The following TRPC3 variants were observed in gnomAD, a reference collection of about 807,000 sequenced individuals.
TRPC3 encodes the protein transient receptor potential cation channel subfamily C member 3.
A neutral mutation model predicts 90.9 loss-of-function variants in TRPC3; 54 were observed. The ratio of observed to expected loss-of-function variants is 0.59; its 90% CI spans 0.48 to 0.75. The LOEUF (loss-of-function observed/expected upper bound fraction) is 0.75. Ranked by LOEUF, TRPC3 falls within the 30% of genes least tolerant of loss-of-function variation. The pLI, the probability that TRPC3 is intolerant of heterozygous loss-of-function variation, is 0.00. For missense variants in TRPC3, 918 were observed against 1,194.5 expected, an observed-to-expected ratio of 0.77 and a Z score of 3.41; for synonymous variants, 424 against 450.9, an observed-to-expected ratio of 0.94 and a Z score of 0.75.
At position 121,949,580 on chromosome 4, in the gene TRPC3, T is replaced by C. The variant is rs574729257; in HGVS notation, c.215+1886A>G. ...CCTCAAAGGTGGAATAAACAGCTAA[T>C]CTCTGTTACAGAGATCAAGCTAGTC... On this transcript the variant is annotated intron_variant, in intron 1 of 11. Coordinates refer to ENST00000379645, the MANE Select transcript of TRPC3 (RefSeq NM_001130698.2). 5.3e-5 allele frequency among the ~76,000 whole-genome samples: 8 copies of C among 152,290 alleles called. No individual in the cohort carries two copies. The East Asian group carries it at 1.5e-3, about 29-fold the overall frequency.
In TRPC3 at chr4:121,901,310, G is replaced by C. The variant is rs563994225; in HGVS notation, c.2463+1542C>G. On this transcript the variant is annotated intron_variant, in intron 9 of 11. Transcript: ENST00000379645. ...GACAACTAGAGCCTGGCTCCTTTAA[G>C]AGACCAGCTACCGCACAGCTGAAGG... Among the ~76,000 whole-genome samples, 4 of 152,314 alleles carry C rather than the reference G, an allele frequency of 2.6e-5. No individual in the cohort carries two copies. The South Asian group carries it at 8.3e-4, about 32-fold the overall frequency.
intron 7 of TRPC3, among the ~76,000 whole-genome samples, chr4:121,906,234 C>G (rs1728876586): frequency 6.6e-6 from 1 of 152,116 alleles, no homozygotes; most frequent in African/African-American, 2.4e-5. Flanking sequence ...CTAGAAACAG[C>G]AGAGATTGCA....
Position 121,932,796 on chromosome 4 carries a change from A to T in TRPC3, c.462T>A (p.Ala154=). ...DYMGQNALQL[A]VGNEHLEVTE... is the part of the protein sequence containing the mutation. ...TCACCTCCAGGTGCTCGTTGCCCAC[A>T]GCCAGCTGCAGCGCGTTCTGGCCCA... Residue 154 remains alanine (A), a synonymous_variant, in exon 2 of 12, where the codon GCT becomes GCA. Coordinates refer to ENST00000379645, the MANE Select transcript of TRPC3 (RefSeq NM_001130698.2). This position sits in a 1 kb window ranked among gnomAD's most constrained non-coding sequence, Gnocchi z 7.7. 5 of 1,610,804 alleles carry T rather than the reference A, an allele frequency of 3.1e-6. No individual in the cohort carries two copies. The highest frequency in any genetic ancestry group is 4.2e-6 in the Non-Finnish European group (5 of 1,177,682).
chr4:121,902,384 T>TGGGCCTGTATCTATTTTATGACACTAA (rs1728734332), intron 9 of TRPC3, among the ~76,000 whole-genome samples: 2 of 152,202 alleles, frequency 1.3e-5, no homozygotes, highest in Admixed American at 1.3e-4. Flanking sequence ...AGGATGCTCT[T>TGGGCCTGTATCTATTTTATGACACTAA]GGGCCTGTAT....
At chr4:121,886,583 C>A (rs1728125943) in intron 10 of TRPC3, among the ~76,000 whole-genome samples, 1 of 152,204 alleles carries the variant, frequency 6.6e-6, no homozygotes, top group Non-Finnish European at 1.5e-5. Flanking sequence ...TAGAAAACAA[C>A]TCCTTTGTTT....
Position 121,931,489 on chromosome 4 carries a change from TA to T in TRPC3, c.987+781del, listed in dbSNP as rs564237097. 1.7e-3 allele frequency among the ~76,000 whole-genome samples: 260 copies of T among 152,316 alleles called. 1 individual carries two copies. The highest frequency in any genetic ancestry group is 6.8e-3 in the Middle Eastern group (2 of 294). On this transcript the variant is annotated intron_variant, in intron 2 of 11. Coordinates refer to ENST00000379645, the MANE Select transcript of TRPC3 (RefSeq NM_001130698.2). Reference sequence around the variant, plus strand: ...AAAAAATAAAATGATCTGTCATTAATATATAATTTTTATACAAATAAATAAT... The same window carrying T: ...AAAAAATAAAATGATCTGTCATTAATTATAATTTTTATACAAATAAATAAT...
At chr4:121,899,509 A>G (rs1728630768) in intron 10 of TRPC3, 103 bp downstream of exon 10, 4 of 900,382 alleles carry the variant, frequency 4.4e-6, no homozygotes, top group African/African-American at 3.3e-5. Context: ...GTATAATGGT[A>G]TATCTCAAGA....
chr4:121,909,127 T>C (rs926621158), intron 6 of TRPC3, among the ~76,000 whole-genome samples: 37 of 152,246 alleles, frequency 2.4e-4, no homozygotes, highest in Non-Finnish European at 4.4e-4. Flanking sequence ...AAATACAATC[T>C]AAAATTAATT....
Position 121,925,008 on chromosome 4 carries a change from G to A in TRPC3, c.1176+10C>T, listed in dbSNP as rs1332850805. On this transcript the variant is annotated intron_variant, in intron 3 of 11. Coordinates refer to ENST00000379645, the MANE Select transcript of TRPC3 (RefSeq NM_001130698.2). ...CTAATATGGCACTAGATGAAAGTAG[G>A]CCCACTCACCTTTTTGACTTCATAC... 2 of 1,605,574 alleles carry A rather than the reference G, an allele frequency of 1.2e-6. No individual in the cohort carries two copies. The highest frequency in any genetic ancestry group is 1.1e-5 in the South Asian group (1 of 89,508).
chr4:121,950,443 G>A (rs1730681098), intron 1 of TRPC3: 1 of 152,330 alleles, frequency 6.6e-6, no homozygotes, highest in Non-Finnish European at 1.5e-5. Flanking sequence ...CCGACCCCAA[G>A]TTCTCTACCT....
In TRPC3 at chr4:121,907,384, A is replaced by G. The variant is rs199896927; in HGVS notation, c.1976T>C (p.Met659Thr). The G allele has an allele frequency of 4.3e-6, 7 of 1,613,358 alleles. No individual in the cohort carries two copies. Among genetic ancestry groups the G allele is most frequent in the Non-Finnish European group, 8.5e-7 (1 of 1,179,524 alleles). ...GCCAATCATAAAGGCAAAAAACACCATAATAAAGAGGACCATGAACTTGAA... is the reference window on the plus strand; with the variant it reads ...GCCAATCATAAAGGCAAAAAACACCGTAATAAAGAGGACCATGAACTTGAA... The part of the protein sequence containing the change: ...DIFKFMVLFI[M>T]VFFAFMIGMF... Residue 659 changes from methionine (M) to threonine (T), a missense_variant, in exon 7 of 12, where the codon ATG becomes ACG. Around this residue, in one of 4 missense-constraint regions of TRPC3, gnomAD observed 147 missense variants for 263.5 expected, o/e 0.56. Transcript: ENST00000379645.
At chr4:121,907,084 T>G (rs570172849) in intron 7 of TRPC3, among the ~76,000 whole-genome samples, 3 of 152,078 alleles carry the variant, frequency 2.0e-5, no homozygotes, top group Admixed American at 2.0e-4. Context: ...TTGTCTAGGG[T>G]TTTTCCAAAT....
At position 121,904,449 on chromosome 4, in the gene TRPC3, A is replaced by G. The variant is rs1728814663; in HGVS notation, c.2126T>C (p.Leu709Pro). 6.2e-7 allele frequency: 1 copy of G among 1,604,942 alleles called. No homozygotes were observed. Among genetic ancestry groups the G allele is most frequent in the Non-Finnish European group, 8.5e-7 (1 of 1,177,084 alleles). Reference protein sequence around the residue: ...FGLSEVTSVVLKYDHKFIENI... With the variant: ...FGLSEVTSVVPKYDHKFIENI... Reference sequence around the variant, plus strand: ...TTCTATGAATTTGTGATCATATTTGAGCACAACGGAAGTCACTTCAGACAA... The same window carrying G: ...TTCTATGAATTTGTGATCATATTTGGGCACAACGGAAGTCACTTCAGACAA... Residue 709 changes from leucine (L) to proline (P), a missense_variant, in exon 8 of 12, where the codon CTC becomes CCC. This residue lies in a region of TRPC3 where 147 missense variants were observed against 263.5 expected (regional missense o/e 0.56). Coordinates refer to ENST00000379645, the MANE Select transcript of TRPC3 (RefSeq NM_001130698.2).
At position 121,907,674 on chromosome 4, in the gene TRPC3, T is replaced by A. The variant is rs552357201; in HGVS notation, c.1793-107A>T. Reference sequence around the variant, plus strand: ...CTATCTTGTAGGTAGGTGGTTACCATCTCAGTTGAAACTAATCTAGATTTA... The same window carrying A: ...CTATCTTGTAGGTAGGTGGTTACCAACTCAGTTGAAACTAATCTAGATTTA... On this transcript the variant is annotated intron_variant, in intron 6 of 11. Coordinates refer to ENST00000379645, the MANE Select transcript of TRPC3 (RefSeq NM_001130698.2). The A allele has an allele frequency of 1.4e-5, 18 of 1,257,236 alleles. No individual in the cohort carries two copies. The African/African-American group carries it at 2.7e-4, about 19-fold the overall frequency. The allele number at this position is 1,257,236 out of a possible 1,614,324, so 77.9% of individuals were successfully genotyped here.
At chr4:121,899,498 G>T in intron 10 of TRPC3, 114 bp downstream of exon 10, 2 of 747,254 alleles carry the variant, frequency 2.7e-6, no homozygotes, top group South Asian at 2.3e-5. Context: ...CTATCCTCAT[G>T]GTATAATGGT....
intron 1 of TRPC3, among the ~76,000 whole-genome samples, chr4:121,946,073 T>C (rs1730476594): frequency 1.3e-5 from 2 of 151,754 alleles, no homozygotes; most frequent in Admixed American, 6.6e-5. Flanking sequence ...AGAAGAGATA[T>C]AAAAACTAGG....
chr4:121,935,057 T>C (rs1730084223), intron 1 of TRPC3, among the ~76,000 whole-genome samples: 1 of 152,226 alleles, frequency 6.6e-6, no homozygotes. Context: ...AAGTTATATC[T>C]GGACTGGGAC....
intron 1 of TRPC3, among the ~76,000 whole-genome samples, chr4:121,948,503 G>A (rs55941724): frequency 6.6e-6 from 1 of 151,998 alleles, no homozygotes; most frequent in Non-Finnish European, 1.5e-5. Flanking sequence ...CTTCAATCCA[G>A]AGTGGGTTTG....
chr4:121,902,507 AAACTATTT>A (rs1161445591), intron 9 of TRPC3, among the ~76,000 whole-genome samples: 3 of 152,232 alleles, frequency 2.0e-5, no homozygotes, highest in Middle Eastern at 3.2e-3. Flanking sequence ...CTAGAAGTTT[AAACTATTT>A]AACTTCAGAA....
Sources: gnomAD v4.1 joint callset for allele counts (sites outside exome capture counted in the v4.1 genomes callset) on GRCh38, gnomAD v4.1.1 for gene constraint, gnomAD v4.1.1 regional missense constraint, Gnocchi (gnomAD v3.1) non-coding constraint, MANE v1.5 for transcripts, NCBI Gene and HGNC (gene_info 2026-07-23, HGNC 2026-07-21) for gene names.